The following IQCJ variants were observed in gnomAD, a reference collection of about 807,000 sequenced individuals.
IQCJ encodes the protein IQ motif containing J, also known as IQ domain-containing protein J.
IQCJ carries 9 observed loss-of-function variants against 11.0 expected under a neutral mutation model. That is an observed-to-expected ratio of 0.82 (90% CI 0.49 to 1.43). The LOEUF (loss-of-function observed/expected upper bound fraction) is 1.43, where lower values mean the gene tolerates loss of function less well. Ranked by LOEUF, IQCJ falls within the 40% of genes most tolerant of loss-of-function variation. The pLI is 0.00. For synonymous variants in IQCJ, 55 were observed against 51.3 expected, an observed-to-expected ratio of 1.07 and a Z score of -0.31; for missense variants, 146 against 133.2, an observed-to-expected ratio of 1.10 and a Z score of -0.47.
intron 1 of IQCJ, among the ~76,000 whole-genome samples, chr3:159,220,373 T>A (rs1725466250): frequency 6.6e-6 from 1 of 152,014 alleles, no homozygotes; most frequent in Admixed American, 6.6e-5. Context: ...TCTAAATTAG[T>A]AAGAGTGGTG....
At chr3:159,164,873 A>G (rs1722075473) in intron 1 of IQCJ, among the ~76,000 whole-genome samples, 1 of 152,214 alleles carries the variant, frequency 6.6e-6, no homozygotes, top group African/African-American at 2.4e-5. Context: ...TTTGGAAGGT[A>G]TACCATGATT....
chr3:159,173,808 G>A (rs968340675), intron 1 of IQCJ, among the ~76,000 whole-genome samples: 1 of 152,084 alleles, frequency 6.6e-6, no homozygotes, highest in Non-Finnish European at 1.5e-5. Context: ...ATGTATGAAA[G>A]CATATTACAT....
intron 3 of IQCJ, among the ~76,000 whole-genome samples, chr3:159,258,349 C>A (rs1728013968): frequency 6.6e-6 from 1 of 152,186 alleles, no homozygotes; most frequent in African/African-American, 2.4e-5. Flanking sequence ...CAACCACGGC[C>A]CTCTGGCTAG....
At chr3:159,134,585 ATCTT>A (rs755636824) in intron 1 of IQCJ, among the ~76,000 whole-genome samples, 15 of 152,334 alleles carry the variant, frequency 9.8e-5, no homozygotes, top group Middle Eastern at 3.4e-3. Context: ...AAGCTTATAC[ATCTT>A]TCTTTCAGTG....
At chr3:159,115,432 ACTT>A (rs555540106) in intron 1 of IQCJ, among the ~76,000 whole-genome samples, 18 of 152,266 alleles carry the variant, frequency 1.2e-4, no homozygotes, top group African/African-American at 4.1e-4. Flanking sequence ...GCCTCAACTA[ACTT>A]CAGGGAAGGC....
intron 1 of IQCJ, among the ~76,000 whole-genome samples, chr3:159,133,552 CATTAT>C (rs1720116423): frequency 6.6e-6 from 1 of 152,088 alleles, no homozygotes; most frequent in South Asian, 2.1e-4. Context: ...TGTGGGTACA[CATTAT>C]ATTATTTATG....
chr3:159,260,802 A>G (rs971431812), intron 3 of IQCJ, among the ~76,000 whole-genome samples: 1 of 152,158 alleles, frequency 6.6e-6, no homozygotes, highest in African/African-American at 2.4e-5. Flanking sequence ...TATAATCTGA[A>G]GAGTCCTTTA....
At chr3:159,194,246 G>C (rs951477265) in intron 1 of IQCJ, among the ~76,000 whole-genome samples, 3 of 152,122 alleles carry the variant, frequency 2.0e-5, no homozygotes, top group Non-Finnish European at 2.9e-5. Flanking sequence ...TTGACCTCCT[G>C]ATAATCCATC....
At chr3:159,108,845 T>A (rs181514250) in intron 1 of IQCJ, among the ~76,000 whole-genome samples, 1 of 152,212 alleles carries the variant, frequency 6.6e-6, no homozygotes, top group African/African-American at 2.4e-5. Flanking sequence ...TTGTTTTTAT[T>A]TTTGTCTTCA....
At chr3:159,174,794 TA>T (rs1722681800) in intron 1 of IQCJ, among the ~76,000 whole-genome samples, 3 of 150,760 alleles carry the variant, frequency 2.0e-5, no homozygotes, top group South Asian at 2.1e-4. Flanking sequence ...TATTTTGTAG[TA>T]TTTTTTTTTC....
intron 1 of IQCJ, among the ~76,000 whole-genome samples, chr3:159,136,006 C>T (rs1182374874): frequency 6.6e-6 from 1 of 152,074 alleles, no homozygotes; most frequent in African/African-American, 2.4e-5. Context: ...TGTCACTATC[C>T]TCACTTACAG....
intron 1 of IQCJ, among the ~76,000 whole-genome samples, chr3:159,092,593 G>A (rs774365251): frequency 1.5e-4 from 22 of 151,510 alleles, no homozygotes; most frequent in Non-Finnish European, 2.8e-4. Flanking sequence ...AGCTACTCGG[G>A]AGGCTGAGGC....
intron 1 of IQCJ, among the ~76,000 whole-genome samples, chr3:159,116,874 T>G (rs1719055594): frequency 6.6e-6 from 1 of 151,718 alleles, no homozygotes; most frequent in Non-Finnish European, 1.5e-5. Context: ...TCTGTTTAAG[T>G]TGAGATGTTC....
At chr3:159,074,339 A>G (rs901365988) in intron 1 of IQCJ, among the ~76,000 whole-genome samples, 1 of 152,044 alleles carries the variant, frequency 6.6e-6, no homozygotes, top group Non-Finnish European at 1.5e-5. Flanking sequence ...AGTAAGGATA[A>G]ATAGGATTTT....
intron 1 of IQCJ, among the ~76,000 whole-genome samples, chr3:159,154,196 A>G (rs1560005898): frequency 6.6e-6 from 1 of 152,198 alleles, no homozygotes. Flanking sequence ...ATCATTAGAA[A>G]GATTTCACAC....
At chr3:159,230,595 A>G (rs75929000) in intron 1 of IQCJ, among the ~76,000 whole-genome samples, 5,044 of 152,282 alleles carry the variant, frequency 0.033, 261 homozygotes, top group African/African-American at 0.12. Flanking sequence ...ATACAATCTC[A>G]CACAGAAAGA....
intron 1 of IQCJ, among the ~76,000 whole-genome samples, chr3:159,237,910 A>T (rs1377229594): frequency 6.6e-6 from 1 of 152,210 alleles, no homozygotes; most frequent in Non-Finnish European, 1.5e-5. Context: ...CAGGGCAAAC[A>T]AAAGAAACTT....
intron 1 of IQCJ, among the ~76,000 whole-genome samples, chr3:159,135,948 T>C (rs928362348): frequency 4.6e-5 from 7 of 152,200 alleles, no homozygotes; most frequent in African/African-American, 1.4e-4. Context: ...TAAGTGCTTT[T>C]TAAATAATAA....
chr3:159,102,648 G>T (rs1020721852), intron 1 of IQCJ, among the ~76,000 whole-genome samples: 3 of 152,206 alleles, frequency 2.0e-5, no homozygotes, highest in African/African-American at 7.2e-5. Context: ...TAATGGCTTT[G>T]AAGTTGCAAC....
Sources: gnomAD v4.1 joint callset for allele counts (sites outside exome capture counted in the v4.1 genomes callset) on GRCh38, gnomAD v4.1.1 for gene constraint, MANE v1.5 for transcripts, NCBI Gene and HGNC (gene_info 2026-07-23, HGNC 2026-07-21) for gene names.